UBE4B: variants seen among roughly 807,000 people sequenced by gnomAD.
UBE4B encodes ubiquitin conjugation factor E4 B.
In UBE4B, 27 loss-of-function variants were observed where a neutral mutation model predicts 148.1. That is an observed-to-expected ratio of 0.18 (90% CI 0.13 to 0.25). UBE4B has a LOEUF of 0.25. Ranked by LOEUF, UBE4B falls within the 10% of genes least tolerant of loss-of-function variation. The pLI is 1.00. For synonymous variants in UBE4B, 596 were observed against 619.3 expected, an observed-to-expected ratio of 0.96 and a Z score of 0.56; for missense variants, 1,170 against 1,662.4, an observed-to-expected ratio of 0.70 and a Z score of 5.15.
chr1:10,151,218 AC>A, intron 20 of UBE4B, 107 bp from the exon 21 acceptor site: 1 of 995,950 alleles, frequency 1.0e-6, no homozygotes, highest in South Asian at 1.6e-5. Flanking sequence ...TCCCAAACCT[AC>A]TTATCCTGCC....
At chr1:10,111,517 C>T (rs971574577) in intron 7 of UBE4B, among the ~76,000 whole-genome samples, 69 of 152,322 alleles carry the variant, frequency 4.5e-4, no homozygotes, top group African/African-American at 1.4e-3. Flanking sequence ...CACCCATGCA[C>T]GCACACCGTC....
intron 23 of UBE4B, among the ~76,000 whole-genome samples, chr1:10,163,525 G>T (rs1646200174): frequency 6.6e-6 from 1 of 151,806 alleles, no homozygotes; most frequent in Non-Finnish European, 1.5e-5. Context: ...AAAATTAGCT[G>T]GGTGTGGTGG....
At chr1:10,061,541 G>A (rs989330346) in intron 1 of UBE4B, among the ~76,000 whole-genome samples, 3 of 152,214 alleles carry the variant, frequency 2.0e-5, no homozygotes, top group African/African-American at 4.8e-5. Flanking sequence ...GTGAGCCACC[G>A]CACTTGGCCC....
chr1:10,170,939 A>G (rs1026067260), intron 24 of UBE4B, 199 bp from the exon 25 acceptor site: 4 of 476,152 alleles, frequency 8.4e-6, no homozygotes, highest in African/African-American at 5.9e-5. Context: ...TCCATTAAGT[A>G]TTAGAATTAT....
intron 1 of UBE4B, among the ~76,000 whole-genome samples, chr1:10,052,102 T>C (rs1644059125): frequency 6.6e-6 from 1 of 151,944 alleles, no homozygotes; most frequent in South Asian, 2.1e-4. Flanking sequence ...GGTCTTGCTC[T>C]GTCACCCAGG....
intron 1 of UBE4B, among the ~76,000 whole-genome samples, chr1:10,051,160 G>T (rs985423031): frequency 2.6e-5 from 4 of 152,098 alleles, no homozygotes; most frequent in Non-Finnish European, 5.9e-5. Flanking sequence ...GCATGCCACT[G>T]TTCCTGGCTC....
At chr1:10,112,253 G>T (rs980957553) in intron 7 of UBE4B, among the ~76,000 whole-genome samples, 2 of 152,142 alleles carry the variant, frequency 1.3e-5, no homozygotes, top group Non-Finnish European at 2.9e-5. Context: ...CCAGAGGGAG[G>T]TATAATTTTC....
chr1:10,111,014 CTCTG>C (rs1645208718), intron 7 of UBE4B, among the ~76,000 whole-genome samples: 1 of 149,924 alleles, frequency 6.7e-6, no homozygotes. Context: ...CTCTGTCTCT[CTCTG>C]TCTCTCTCTG....
In UBE4B at chr1:10,106,970, G is replaced by A. The variant is rs994310910; in HGVS notation, c.1196+387G>A. ...GGGGTGGGTCGGTTCATGTCCTGAC[G>A]TGTTGAGTTTTAGTTATATGTAAGT... On this transcript the variant is annotated intron_variant, in intron 7 of 27. Coordinates refer to ENST00000343090, the MANE Select transcript of UBE4B (RefSeq NM_001105562.3). The surrounding 1 kb of genome is among the most constrained non-coding windows in gnomAD (Gnocchi z 4.2). Among the ~76,000 whole-genome samples the A allele has an allele frequency of 3.9e-5, 6 of 152,090 alleles. No individual in the cohort carries two copies. Among genetic ancestry groups the A allele is most frequent in the South Asian group, 4.1e-4 (2 of 4,822 alleles).
intron 2 of UBE4B, among the ~76,000 whole-genome samples, chr1:10,076,373 T>A (rs987101425): frequency 2.0e-5 from 3 of 151,896 alleles, no homozygotes; most frequent in Non-Finnish European, 4.4e-5. Flanking sequence ...GCCTCCTAAG[T>A]AGCTGGATTA....
chr1:10,165,021 C>T (rs902035309), intron 23 of UBE4B, among the ~76,000 whole-genome samples: 3 of 152,062 alleles, frequency 2.0e-5, no homozygotes, highest in African/African-American at 4.8e-5. Flanking sequence ...CCTGATGTCC[C>T]CCGGTGAACA....
At chr1:10,138,878 A>T (rs1339765175) in intron 17 of UBE4B, among the ~76,000 whole-genome samples, 4 of 152,132 alleles carry the variant, frequency 2.6e-5, no homozygotes, top group Non-Finnish European at 5.9e-5. Context: ...CTATTCTGTT[A>T]ATGTGGTTGA....
intron 2 of UBE4B, 132 bp downstream of exon 2, chr1:10,072,346 G>A: frequency 9.5e-7 from 1 of 1,056,440 alleles, no homozygotes; most frequent in Non-Finnish European, 1.4e-6. Context: ...CCAAGCAGTA[G>A]TTTAAATATC....
intron 7 of UBE4B, among the ~76,000 whole-genome samples, chr1:10,112,253 G>A (rs980957553): frequency 1.3e-5 from 2 of 152,142 alleles, no homozygotes; most frequent in Admixed American, 1.3e-4. Context: ...CCAGAGGGAG[G>A]TATAATTTTC....
At chr1:10,177,467 G>A (rs1387211690) in intron 25 of UBE4B, among the ~76,000 whole-genome samples, 3 of 152,150 alleles carry the variant, frequency 2.0e-5, no homozygotes, top group Non-Finnish European at 1.5e-5. Flanking sequence ...TCCAGCCTGG[G>A]TGACAAAGCG....
intron 16 of UBE4B, 119 bp downstream of exon 16, chr1:10,135,305 A>T (rs1309890437): frequency 1.0e-5 from 11 of 1,047,680 alleles, no homozygotes; most frequent in Non-Finnish European, 1.5e-5. Flanking sequence ...AGAGAAACAT[A>T]ATAAAAATTA....
At chr1:10,147,722 C>T (rs903767053) in intron 19 of UBE4B, among the ~76,000 whole-genome samples, 1 of 152,128 alleles carries the variant, frequency 6.6e-6, no homozygotes, top group Non-Finnish European at 1.5e-5. Context: ...ATATTAGGCC[C>T]TCCTAAGCAC....
chr1:10,111,956 CAA>C (rs56777705), intron 7 of UBE4B, among the ~76,000 whole-genome samples: 7 of 123,114 alleles, frequency 5.7e-5, no homozygotes, highest in Non-Finnish European at 3.5e-5. Flanking sequence ...GACTCTGTCT[CAA>C]AAAAAAAAAA....
intron 3 of UBE4B, among the ~76,000 whole-genome samples, chr1:10,098,987 C>T (rs11121519): frequency 0.097 from 14,737 of 152,198 alleles, 825 homozygotes; most frequent in South Asian, 0.16. Context: ...CCTGTAATCC[C>T]AGCACTTTTG....
Sources: allele counts gnomAD v4.1 joint callset (sites outside exome capture counted in the v4.1 genomes callset), GRCh38; gene constraint gnomAD v4.1.1; non-coding constraint Gnocchi (gnomAD v3.1); transcripts MANE v1.5; gene names NCBI Gene and HGNC (gene_info 2026-07-23, HGNC 2026-07-21).